The following TNFRSF8 variants were observed in gnomAD, a reference collection of about 807,000 sequenced individuals.
The protein encoded by TNFRSF8 is tumor necrosis factor receptor superfamily member 8.
TNFRSF8 carries 26 observed loss-of-function variants against 70.8 expected under a neutral mutation model. The ratio of observed to expected loss-of-function variants is 0.37; its 90% CI spans 0.27 to 0.51. TNFRSF8 has a LOEUF of 0.51. Among genes scored for constraint, TNFRSF8 ranks in the 20% least tolerant of loss-of-function variants. The pLI is 0.94. For missense variants in TNFRSF8, 720 were observed against 807.9 expected (o/e 0.89, Z 1.32); for synonymous variants, 356 against 339.2 (o/e 1.05, Z -0.54).
intron 2 of TNFRSF8, among the ~76,000 whole-genome samples, chr1:12,093,747 G>T (rs1641283543): frequency 6.6e-6 from 1 of 152,082 alleles, no homozygotes; most frequent in Non-Finnish European, 1.5e-5. Context: ...CACCATGTTG[G>T]TCAGGCTGGT....
chr1:12,113,652 A>G lies in TNFRSF8; in HGVS notation c.793+1638A>G, dbSNP rs140489492. Among the ~76,000 whole-genome samples the G allele has an allele frequency of 6.6e-6, 1 of 150,378 alleles. No homozygotes were observed. Among genetic ancestry groups the G allele is most frequent in the East Asian group, 2.0e-4 (1 of 5,060 alleles). On this transcript the variant is annotated intron_variant, in intron 7 of 14. Coordinates refer to ENST00000263932, the MANE Select transcript of TNFRSF8 (RefSeq NM_001243.5). This position sits in a 1 kb window ranked among gnomAD's most constrained non-coding sequence, Gnocchi z 4.9. Reference sequence around the variant, plus strand: ...GAGAGAGAGACAGAAAGAGAAAGAGACGGAGTGAGCGAGAGAGAGAGAGAC... The same window carrying G: ...GAGAGAGAGACAGAAAGAGAAAGAGGCGGAGTGAGCGAGAGAGAGAGAGAC...
chr1:12,078,166 C>T (rs1485233400), intron 1 of TNFRSF8, among the ~76,000 whole-genome samples: 1 of 151,858 alleles, frequency 6.6e-6, no homozygotes, highest in Non-Finnish European at 1.5e-5. Flanking sequence ...GTCCAGATGG[C>T]GGGAAGGTGA....
At chr1:12,131,629 G>A (rs2101038013) in intron 12 of TNFRSF8, among the ~76,000 whole-genome samples, 2 of 152,196 alleles carry the variant, frequency 1.3e-5, no homozygotes, top group Middle Eastern at 6.8e-3. Flanking sequence ...CAGTAGCTGG[G>A]ACTACAGATA....
intron 4 of TNFRSF8, among the ~76,000 whole-genome samples, chr1:12,105,694 T>G (rs1371471141): frequency 6.6e-6 from 1 of 152,028 alleles, no homozygotes; most frequent in African/African-American, 2.4e-5. Context: ...TCCCAGCACT[T>G]TGGGAGGCCA....
chr1:12,104,369 T>A lies in TNFRSF8; in HGVS notation c.269-10T>A, dbSNP rs761079887. ...TGTTCCCCTCTGTGACCCCTGTCTG[T>A]GTCCCTTAGACGACCTCGTGGAGAA... is the stretch of plus-strand genomic sequence containing the variant. On this transcript the variant is annotated splice_polypyrimidine_tract_variant and intron_variant, in intron 3 of 14. Transcript: ENST00000263932. 1 of 1,614,124 alleles carries A rather than the reference T, an allele frequency of 6.2e-7. No homozygotes were observed. Among genetic ancestry groups the A allele is most frequent in the Non-Finnish European group, 8.5e-7 (1 of 1,180,004 alleles).
intron 3 of TNFRSF8, among the ~76,000 whole-genome samples, chr1:12,102,508 T>G (rs1172281620): frequency 6.6e-6 from 1 of 151,916 alleles, no homozygotes; most frequent in Non-Finnish European, 1.5e-5. Flanking sequence ...ATTATTAGTT[T>G]TACCAGTGCT....
rs570720880 is a variant in TNFRSF8 at position 12,068,496 on chromosome 1, TC to T, written c.63+4839del. On this transcript the variant is annotated intron_variant, in intron 1 of 14. Transcript: ENST00000263932. Reference sequence around the variant, plus strand: ...CATACCAGTTCTCCACTTCTCTCTCTCCCCTCCCAGGTCCACCCAGGGGATA... The same window carrying T: ...CATACCAGTTCTCCACTTCTCTCTCTCCCTCCCAGGTCCACCCAGGGGATA... 5.7e-3 allele frequency among the ~76,000 whole-genome samples: 873 copies of T among 152,066 alleles called. 8 individuals are homozygous for T. Among genetic ancestry groups the T allele is most frequent in the African/African-American group, 0.019 (804 of 41,464 alleles).
intron 4 of TNFRSF8, among the ~76,000 whole-genome samples, chr1:12,107,181 A>G (rs1641540469): frequency 6.6e-6 from 1 of 152,140 alleles, no homozygotes; most frequent in African/African-American, 2.4e-5. Flanking sequence ...GATCACTTGA[A>G]GTCAGGAGTT....
intron 13 of TNFRSF8, among the ~76,000 whole-genome samples, chr1:12,136,233 G>A (rs1257515946): frequency 6.6e-6 from 1 of 152,136 alleles, no homozygotes; most frequent in Admixed American, 6.5e-5. Flanking sequence ...AATATGCTTG[G>A]ATGTGACAAG....
chr1:12,082,371 C>T (rs558960693), intron 1 of TNFRSF8, among the ~76,000 whole-genome samples: 1 of 152,116 alleles, frequency 6.6e-6, no homozygotes, highest in African/African-American at 2.4e-5. Flanking sequence ...CATAGCAAGA[C>T]CCAGTCTCTA....
intron 12 of TNFRSF8, among the ~76,000 whole-genome samples, chr1:12,130,463 C>T (rs1318702246): frequency 6.6e-6 from 1 of 152,166 alleles, no homozygotes; most frequent in African/African-American, 2.4e-5. Context: ...GCCCTGGAAT[C>T]AGCTGCCTCT....
intron 1 of TNFRSF8, among the ~76,000 whole-genome samples, chr1:12,075,476 T>A (rs1207619493): frequency 6.6e-6 from 1 of 152,086 alleles, no homozygotes; most frequent in Non-Finnish European, 1.5e-5. Context: ...TCCATACTCA[T>A]CTCTTTTTCT....
At chr1:12,103,406 G>A (rs1348677824) in intron 3 of TNFRSF8, among the ~76,000 whole-genome samples, 4 of 151,954 alleles carry the variant, frequency 2.6e-5, no homozygotes, top group African/African-American at 4.8e-5. Flanking sequence ...AGGTTTACAG[G>A]AAAATTGAAC....
At chr1:12,085,923 C>T (rs961855947) in intron 2 of TNFRSF8, among the ~76,000 whole-genome samples, 5 of 152,302 alleles carry the variant, frequency 3.3e-5, no homozygotes, top group East Asian at 1.9e-4. Context: ...GAGATTGTCA[C>T]GGGGACATCA....
At chr1:12,114,694 C>CTT (rs542462017) in intron 7 of TNFRSF8, among the ~76,000 whole-genome samples, 1,668 of 76,986 alleles carry the variant, frequency 0.022, 286 homozygotes, top group Non-Finnish European at 0.029. Flanking sequence ...GAAAAAAAAT[C>CTT]TTTTTTTTTT....
At chr1:12,073,533 C>T (rs577614213) in intron 1 of TNFRSF8, among the ~76,000 whole-genome samples, 16 of 150,346 alleles carry the variant, frequency 1.1e-4, no homozygotes, top group East Asian at 9.7e-4. Context: ...TCTCCCTTTC[C>T]GTTCCTTTCC....
chr1:12,077,455 AAGGATGCCAC>A (rs1457496116), intron 1 of TNFRSF8, among the ~76,000 whole-genome samples: 1 of 152,216 alleles, frequency 6.6e-6, no homozygotes, highest in Non-Finnish European at 1.5e-5. Flanking sequence ...CCATGAGCCA[AAGGATGCCAC>A]AGTCCCTAGA....
Position 12,138,117 on chromosome 1 carries a change from A to G in TNFRSF8, c.1336-112A>G. The G allele has an allele frequency of 1.8e-6, 2 of 1,115,028 alleles. No homozygotes were observed. Among genetic ancestry groups the G allele is most frequent in the Non-Finnish European group, 2.5e-6 (2 of 791,590 alleles). The allele number at this position is 1,115,028 out of a possible 1,614,324, so 69.1% of individuals were successfully genotyped here. Reference sequence around the variant, plus strand: ...AGCTCATGGCAGCTTTTAAAGCAGAAAGGGGGACTCACTGGGGTCTGTAGA... The same window carrying G: ...AGCTCATGGCAGCTTTTAAAGCAGAGAGGGGGACTCACTGGGGTCTGTAGA... On this transcript the variant is annotated intron_variant, in intron 13 of 14. Coordinates refer to ENST00000263932, the MANE Select transcript of TNFRSF8 (RefSeq NM_001243.5). The surrounding 1 kb of genome is among the most constrained non-coding windows in gnomAD (Gnocchi z 5.7).
intron 10 of TNFRSF8, among the ~76,000 whole-genome samples, chr1:12,124,691 G>A (rs112543016): frequency 0.032 from 4,797 of 152,060 alleles, 264 homozygotes; most frequent in African/African-American, 0.11. Flanking sequence ...GCGTGGTGGC[G>A]CGCGCCTGTA....
Sources: allele counts gnomAD v4.1 joint callset (sites outside exome capture counted in the v4.1 genomes callset), GRCh38; gene constraint gnomAD v4.1.1; non-coding constraint Gnocchi (gnomAD v3.1); transcripts MANE v1.5; gene names NCBI Gene and HGNC (gene_info 2026-07-23, HGNC 2026-07-21).